The following ARID1B variants were observed in gnomAD, a reference collection of about 807,000 sequenced individuals.
ARID1B encodes AT-rich interaction domain 1B.
A neutral mutation model predicts 212.3 loss-of-function variants in ARID1B; 30 were observed. That is an observed-to-expected ratio of 0.14 (90% CI 0.11 to 0.19). The LOEUF is 0.19. Ranked by LOEUF, ARID1B falls within the 10% of genes least tolerant of loss-of-function variation. The pLI, the probability that ARID1B is intolerant of heterozygous loss-of-function variation, is 1.00. For missense variants in ARID1B, 2,891 were observed against 3,204.0 expected, an observed-to-expected ratio of 0.90 and a Z score of 2.36; for synonymous variants, 1,402 against 1,301.7, an observed-to-expected ratio of 1.08 and a Z score of -1.66.
intron 2 of ARID1B, among the ~76,000 whole-genome samples, chr6:156,874,343 C>T (rs1237890600): frequency 1.3e-5 from 2 of 152,212 alleles, no homozygotes; most frequent in African/African-American, 2.4e-5. Flanking sequence ...GCTGGGATTA[C>T]AGGTGTGAGC....
chr6:157,186,199 G>C (rs142893455), intron 13 of ARID1B: 2 of 327,968 alleles, frequency 6.1e-6, no homozygotes, highest in Admixed American at 8.2e-5. Context: ...CTGCTGAGGC[G>C]TATAGATCCT....
At chr6:156,833,375 G>C (rs990636921) in intron 2 of ARID1B, among the ~76,000 whole-genome samples, 3 of 152,116 alleles carry the variant, frequency 2.0e-5, no homozygotes, top group African/African-American at 7.2e-5. Context: ...CGGCACCCAG[G>C]AGAAATAGCT....
intron 4 of ARID1B, among the ~76,000 whole-genome samples, chr6:157,078,791 A>G (rs1310786140): frequency 1.3e-5 from 2 of 152,354 alleles, no homozygotes; most frequent in East Asian, 3.9e-4. Flanking sequence ...TTGCTTTTGT[A>G]AAGTGTCAAT....
chr6:156,856,505 G>C (rs920026793), intron 2 of ARID1B, among the ~76,000 whole-genome samples: 1 of 152,124 alleles, frequency 6.6e-6, no homozygotes, highest in Non-Finnish European at 1.5e-5. Flanking sequence ...AGTATTTCTA[G>C]TGGAGAAGCC....
intron 2 of ARID1B, among the ~76,000 whole-genome samples, chr6:156,851,770 C>T (rs1026529963): frequency 2.6e-5 from 4 of 152,196 alleles, no homozygotes; most frequent in African/African-American, 9.7e-5. Flanking sequence ...AGAAGACTAA[C>T]ATAATGAAAA....
chr6:156,835,084 C>T (rs1021493435), intron 2 of ARID1B, among the ~76,000 whole-genome samples: 2 of 151,684 alleles, frequency 1.3e-5, no homozygotes, highest in African/African-American at 4.8e-5. Context: ...TAAAAAAATA[C>T]AAAAAAATTA....
intron 4 of ARID1B, among the ~76,000 whole-genome samples, chr6:157,033,197 G>A (rs973947247): frequency 2.0e-5 from 3 of 152,136 alleles, no homozygotes; most frequent in African/African-American, 7.2e-5. Context: ...AGCAGTGCAA[G>A]GCTGTGATTT....
chr6:157,021,710 T>G (rs1254221414), intron 4 of ARID1B, among the ~76,000 whole-genome samples: 1 of 151,876 alleles, frequency 6.6e-6, no homozygotes, highest in Non-Finnish European at 1.5e-5. Context: ...GGCCGCCGCC[T>G]GCAGGCACCG....
chr6:157,200,596 T>G lies in ARID1B; in HGVS notation c.4480-109T>G, dbSNP rs1794025183. On this transcript the variant is annotated intron_variant, in intron 17 of 19. Transcript: ENST00000636930. This position sits in a 1 kb window ranked among gnomAD's most constrained non-coding sequence, Gnocchi z 4.3. ...CTGTTGTTATAGGAGCTTCCCATAT[T>G]CATTTTGAAATGAACATTCTAGCAG... 3.9e-6 allele frequency: 5 copies of G among 1,288,362 alleles called. No homozygotes were observed. The highest frequency in any genetic ancestry group is 2.5e-5 in the Admixed American group (1 of 40,510). The allele number at this position is 1,288,362 out of a possible 1,614,324, so 79.8% of individuals were successfully genotyped here.
At chr6:157,205,155 A>G (rs575312341) in intron 19 of ARID1B, 21 of 152,360 alleles carry the variant, frequency 1.4e-4, no homozygotes, top group African/African-American at 4.6e-4. Flanking sequence ...AAAAGGGAAA[A>G]TGCCCTTGGA....
chr6:157,111,999 A>T (rs2128521692), intron 6 of ARID1B, among the ~76,000 whole-genome samples: 1 of 152,114 alleles, frequency 6.6e-6, no homozygotes, highest in East Asian at 1.9e-4. Flanking sequence ...TGGTTTGAGG[A>T]CCATACCTTG....
Position 157,191,720 on chromosome 6 carries a change from T to C in ARID1B, c.4231+1510T>C, listed in dbSNP as rs535183315. ...GCTCTTGCGCATTCTTCCAAGTGCA[T>C]TCAAGGCCTGTGAAATTGAAGCATG... is the stretch of plus-strand genomic sequence containing the variant. On this transcript the variant is annotated intron_variant, in intron 15 of 19. Transcript: ENST00000636930. 2.0e-3 allele frequency among the ~76,000 whole-genome samples: 298 copies of C among 152,296 alleles called. 1 individual carries two copies. The highest frequency in any genetic ancestry group is 6.8e-3 in the African/African-American group (283 of 41,558).
chr6:157,168,355 T>C (rs1219372852), intron 9 of ARID1B: 2 of 152,200 alleles, frequency 1.3e-5, no homozygotes, highest in Non-Finnish European at 2.9e-5. Flanking sequence ...TTCCTGATGC[T>C]GCGTTGAGTG....
At chr6:157,028,359 C>T (rs1033880770) in intron 4 of ARID1B, among the ~76,000 whole-genome samples, 2 of 152,090 alleles carry the variant, frequency 1.3e-5, no homozygotes, top group African/African-American at 4.8e-5. Flanking sequence ...TTGAATTATA[C>T]AGAAAAATCA....
At chr6:157,158,238 C>G (rs1398337156) in intron 8 of ARID1B, among the ~76,000 whole-genome samples, 1 of 152,184 alleles carries the variant, frequency 6.6e-6, no homozygotes, top group East Asian at 1.9e-4. Context: ...AATTTTAACC[C>G]TAACTGAACA....
rs1159915692 is a variant in ARID1B at position 156,778,906 on chromosome 6, G to A, written c.1226G>A (p.Gly409Glu). The change falls in exon 1 of 20, where the codon GGA becomes GAA. Residue 409 changes from glycine (G) to glutamate (E), a missense_variant. Physicochemically the swap from Gly to Glu is moderately conservative, Grantham distance 98. This residue lies in a region of ARID1B where 1,643 missense variants were observed against 1,544.0 expected (regional missense o/e 1.06). Transcript: ENST00000636930. ...GGGGSGGGGG[G>E]GGAGAGGAGA... is the part of the protein sequence containing the mutation. ...GGAGGCAGCGGAGGAGGAGGAGGAG[G>A]AGGAGGAGCAGGAGCAGGAGGAGCA... The A allele has an allele frequency of 1.5e-6, 2 of 1,367,022 alleles. No individual in the cohort carries two copies. Among genetic ancestry groups the A allele is most frequent in the Non-Finnish European group, 1.9e-6 (2 of 1,062,188 alleles). 84.7% of individuals were successfully genotyped at this position (1,367,022 alleles called of 1,614,324 possible).
At position 157,200,646 on chromosome 6, in the gene ARID1B, AGT is replaced by A. The variant is rs904684369; in HGVS notation, c.4480-53_4480-52del. 2 of 1,512,508 alleles carry A rather than the reference AGT, an allele frequency of 1.3e-6. No homozygotes were observed. Among genetic ancestry groups the A allele is most frequent in the African/African-American group, 1.4e-5 (1 of 71,718 alleles). 93.7% of individuals were successfully genotyped at this position (1,512,508 alleles called of 1,614,324 possible). On this transcript the variant is annotated intron_variant, in intron 17 of 19. Coordinates refer to ENST00000636930, the MANE Select transcript of ARID1B (RefSeq NM_001374828.1). This position sits in a 1 kb window ranked among gnomAD's most constrained non-coding sequence, Gnocchi z 4.3. ...GGTAATAACTATTTTGCATAATTTC[AGT>A]GTGTGATTATACCTGTAAGAGCACA... is the stretch of plus-strand genomic sequence containing the variant.
Position 157,089,846 on chromosome 6 carries a change from C to T in ARID1B, c.2491+4941C>T, listed in dbSNP as rs144603434. Among the ~76,000 whole-genome samples, 303 of 152,244 alleles carry T rather than the reference C, an allele frequency of 2.0e-3. 1 individual carries two copies. The highest frequency in any genetic ancestry group is 7.0e-3 in the African/African-American group (290 of 41,566). Reference sequence around the variant, plus strand: ...TAATTCTGAAATGTGTGATATTAGACATGATGCTGATATTCTAGTAAATGA... The same window carrying T: ...TAATTCTGAAATGTGTGATATTAGATATGATGCTGATATTCTAGTAAATGA... On this transcript the variant is annotated intron_variant, in intron 5 of 19. Coordinates refer to ENST00000636930, the MANE Select transcript of ARID1B (RefSeq NM_001374828.1).
At chr6:156,998,302 C>G (rs1468058271) in intron 4 of ARID1B, among the ~76,000 whole-genome samples, 1 of 151,416 alleles carries the variant, frequency 6.6e-6, no homozygotes, top group Non-Finnish European at 1.5e-5. Flanking sequence ...CTCACTGCAA[C>G]CTCTGCCTCC....
Sources: allele counts gnomAD v4.1 joint callset (sites outside exome capture counted in the v4.1 genomes callset), GRCh38; gene constraint gnomAD v4.1.1; regional missense constraint gnomAD v4.1.1; non-coding constraint Gnocchi (gnomAD v3.1); transcripts MANE v1.5; gene names NCBI Gene and HGNC (gene_info 2026-07-23, HGNC 2026-07-21).